The following REDIC1 variants were observed in gnomAD, a reference collection of about 807,000 sequenced individuals.
The protein encoded by REDIC1 is HEI10 Interacting Protein 1.
chr12:39,807,057 G>C, the REDIC1 span, among the ~76,000 whole-genome samples: 1 of 152,104 alleles, frequency 6.6e-6, no homozygotes, highest in Non-Finnish European at 1.5e-5. Context: ...TGGTGCAAAA[G>C]TAATTATAGT....
the REDIC1 span, among the ~76,000 whole-genome samples, chr12:39,826,282 A>C: frequency 1.3e-5 from 2 of 151,802 alleles, no homozygotes; most frequent in African/African-American, 4.8e-5. Flanking sequence ...GTACTTATCT[A>C]ATTTTTTCTT....
chr12:39,851,268 A>G, the REDIC1 span, among the ~76,000 whole-genome samples: 1 of 152,210 alleles, frequency 6.6e-6, no homozygotes, highest in African/African-American at 2.4e-5. Context: ...AAATGGACAA[A>G]TTAGAAAAAC....
chr12:39,855,649 A>C, the REDIC1 span, among the ~76,000 whole-genome samples: 2 of 152,212 alleles, frequency 1.3e-5, no homozygotes, highest in Non-Finnish European at 2.9e-5. Flanking sequence ...TGTTTATTAA[A>C]ATAATTAACT....
the REDIC1 span, among the ~76,000 whole-genome samples, chr12:39,709,968 A>G: frequency 5.3e-5 from 8 of 151,764 alleles, no homozygotes; most frequent in African/African-American, 9.7e-5. Context: ...GTTTTTCTAC[A>G]TCCTTGCCAA....
chr12:39,756,550 T>C, the REDIC1 span: 1 of 151,974 alleles, frequency 6.6e-6, no homozygotes, highest in Non-Finnish European at 1.5e-5. Flanking sequence ...ATTTATGAAC[T>C]GTATTAGTGT....
At chr12:39,668,042 A>T in the REDIC1 span, among the ~76,000 whole-genome samples, 1 of 151,996 alleles carries the variant, frequency 6.6e-6, no homozygotes, top group African/African-American at 2.4e-5. Context: ...TGTGTCTTTT[A>T]ATTGGAGTAT....
the REDIC1 span, among the ~76,000 whole-genome samples, chr12:39,801,110 G>A: frequency 3.1e-5 from 2 of 65,330 alleles, no homozygotes; most frequent in African/African-American, 1.2e-4. Flanking sequence ...GTCAGGGGAG[G>A]GGGGAGGGAT....
At chr12:39,716,313 G>A in the REDIC1 span, among the ~76,000 whole-genome samples, 1 of 151,974 alleles carries the variant, frequency 6.6e-6, no homozygotes, top group Admixed American at 6.6e-5. Context: ...CAAACTGGAT[G>A]CTTTGAATAG....
chr12:39,833,042 T>G, the REDIC1 span, among the ~76,000 whole-genome samples: 1 of 152,146 alleles, frequency 6.6e-6, no homozygotes, highest in Non-Finnish European at 1.5e-5. Flanking sequence ...TCTTTACTTC[T>G]GCTTACATTT....
chr12:39,905,864 T>C, the REDIC1 span, among the ~76,000 whole-genome samples: 1 of 151,848 alleles, frequency 6.6e-6, no homozygotes, highest in Admixed American at 6.6e-5. Context: ...CTTATTCTAC[T>C]GTCTCTCACA....
chr12:39,872,518 T>C, the REDIC1 span, among the ~76,000 whole-genome samples: 1 of 152,200 alleles, frequency 6.6e-6, no homozygotes, highest in African/African-American at 2.4e-5. Context: ...CCCATGAGAA[T>C]CATTTATGTT....
chr12:39,687,649 C>CTCA, the REDIC1 span, among the ~76,000 whole-genome samples: 3 of 152,208 alleles, frequency 2.0e-5, 1 homozygote, highest in South Asian at 6.2e-4. Context: ...GATTATAATT[C>CTCA]AACATGAGAT....
chr12:39,719,243 A>G, the REDIC1 span, among the ~76,000 whole-genome samples: 2 of 152,268 alleles, frequency 1.3e-5, no homozygotes, highest in East Asian at 1.9e-4. Context: ...AAAAGAGCAA[A>G]TAATGCATTT....
chr12:39,687,112 G>A, the REDIC1 span, among the ~76,000 whole-genome samples: 9 of 151,986 alleles, frequency 5.9e-5, no homozygotes, highest in Non-Finnish European at 1.0e-4. Context: ...CCATTCCACC[G>A]CCAGTCTTTA....
chr12:39,633,515 A>G, the REDIC1 span, among the ~76,000 whole-genome samples: 1 of 152,234 alleles, frequency 6.6e-6, no homozygotes, highest in South Asian at 2.1e-4. Flanking sequence ...ATGTGCTAAA[A>G]TAAGTATAGT....
the REDIC1 span, among the ~76,000 whole-genome samples, chr12:39,867,199 T>G: frequency 6.6e-6 from 1 of 152,228 alleles, no homozygotes; most frequent in Non-Finnish European, 1.5e-5. Flanking sequence ...CATCCATATC[T>G]TATTGCCATG....
the REDIC1 span, among the ~76,000 whole-genome samples, chr12:39,680,027 A>T: frequency 6.6e-6 from 1 of 152,234 alleles, no homozygotes; most frequent in East Asian, 1.9e-4. Context: ...AAGCCATAAA[A>T]ATTCTAGAAG....
At chr12:39,762,163 G>A in the REDIC1 span, among the ~76,000 whole-genome samples, 12 of 152,042 alleles carry the variant, frequency 7.9e-5, no homozygotes, top group African/African-American at 1.4e-4. Flanking sequence ...TGGCTAAGTC[G>A]TGGAGGAGTG....
the REDIC1 span, among the ~76,000 whole-genome samples, chr12:39,669,746 G>A: frequency 5.9e-5 from 9 of 152,190 alleles, no homozygotes; most frequent in South Asian, 8.3e-4. Flanking sequence ...TTAAGCCTCC[G>A]CCGTGGTGGG....
Sources: allele counts gnomAD v4.1 joint callset (sites outside exome capture counted in the v4.1 genomes callset), GRCh38; gene constraint gnomAD v4.1.1; transcripts MANE v1.5; gene names NCBI Gene and HGNC (gene_info 2026-07-23, HGNC 2026-07-21).